LARGE1: variants seen among roughly 807,000 people sequenced by gnomAD.
LARGE1 encodes the protein xylosyl- and glucuronyltransferase LARGE1.
A neutral mutation model predicts 87.6 loss-of-function variants in LARGE1; 43 were observed. The observed-to-expected ratio is 0.49, with a 90% confidence interval of 0.38 to 0.63. The LOEUF (loss-of-function observed/expected upper bound fraction) is 0.63. Among genes scored for constraint, LARGE1 ranks in the 30% least tolerant of loss-of-function variants. The pLI, the probability that LARGE1 is intolerant of heterozygous loss-of-function variation, is 0.00. For missense variants in LARGE1, 802 were observed against 1,000.2 expected (o/e 0.80, Z 2.67); for synonymous variants, 434 against 394.6 (o/e 1.10, Z -1.18).
chr22:33,266,530 C>G (rs575304413), intron 11 of LARGE1, among the ~76,000 whole-genome samples: 1 of 151,760 alleles, frequency 6.6e-6, no homozygotes, highest in East Asian at 1.9e-4. Context: ...AGCCAGGGCT[C>G]TTATTTAAAA....
intron 11 of LARGE1, among the ~76,000 whole-genome samples, chr22:33,230,004 C>CTTTTTT (rs557120175): frequency 1.2e-5 from 1 of 81,136 alleles, no homozygotes; most frequent in Non-Finnish European, 2.4e-5. Context: ...TTTCAAAGTT[C>CTTTTTT]TTTTTTTTTT....
intron 2 of LARGE1, among the ~76,000 whole-genome samples, chr22:33,671,403 T>C (rs371959228): frequency 6.6e-6 from 1 of 152,378 alleles, no homozygotes; most frequent in South Asian, 2.1e-4. Flanking sequence ...ATACGTAAAG[T>C]GTAAAATGCT....
chr22:33,306,855 CT>C (rs909407449), intron 11 of LARGE1, among the ~76,000 whole-genome samples: 2 of 135,764 alleles, frequency 1.5e-5, no homozygotes, highest in African/African-American at 6.2e-5. Context: ...GAGTGAGAAT[CT>C]GTCTCAAAAA....
At chr22:33,868,148 G>A (rs760436769) in intron 1 of LARGE1, among the ~76,000 whole-genome samples, 18 of 152,124 alleles carry the variant, frequency 1.2e-4, no homozygotes, top group Non-Finnish European at 2.4e-4. Context: ...ATAAGACTTC[G>A]TTCCAAATGG....
intron 1 of LARGE1, among the ~76,000 whole-genome samples, chr22:33,794,303 G>A (rs1292000396): frequency 6.6e-6 from 1 of 152,210 alleles, no homozygotes; most frequent in African/African-American, 2.4e-5. Context: ...AGGGAAGAAA[G>A]AAGGGAACCC....
At chr22:33,280,491 A>G (rs1930226422) in intron 13 of LARGE1, among the ~76,000 whole-genome samples, 1 of 152,098 alleles carries the variant, frequency 6.6e-6, no homozygotes, top group African/African-American at 2.4e-5. Flanking sequence ...TGTGAAAAGG[A>G]AGGGAAAACA....
At chr22:33,531,423 G>T (rs1176709374) in intron 6 of LARGE1, among the ~76,000 whole-genome samples, 1 of 152,170 alleles carries the variant, frequency 6.6e-6, no homozygotes, top group Non-Finnish European at 1.5e-5. Context: ...CTCCCAAAGT[G>T]CTGGGATTAC....
chr22:33,541,294 G>A (rs1033962513), intron 6 of LARGE1, among the ~76,000 whole-genome samples: 26 of 151,656 alleles, frequency 1.7e-4, no homozygotes, highest in South Asian at 4.2e-4. Context: ...AGGGCAAGCC[G>A]ACTTTTTGAC....
chr22:33,558,926 A>C (rs2077774250), intron 6 of LARGE1, among the ~76,000 whole-genome samples: 1 of 152,240 alleles, frequency 6.6e-6, no homozygotes, highest in South Asian at 2.1e-4. Context: ...CCTTAGAGAA[A>C]ATGGAATGTG....
At chr22:33,103,522 C>T in the LARGE1 span, among the ~76,000 whole-genome samples, 2 of 144,538 alleles carry the variant, frequency 1.4e-5, no homozygotes, top group Non-Finnish European at 3.0e-5. Flanking sequence ...AGAAGTGTTT[C>T]TCAGGTTGGT....
intron 2 of LARGE1, among the ~76,000 whole-genome samples, chr22:33,728,001 C>T (rs2083322570): frequency 6.6e-6 from 1 of 152,040 alleles, no homozygotes; most frequent in Admixed American, 6.6e-5. Flanking sequence ...ACTCACAAGC[C>T]CTGATATCAA....
chr22:33,831,850 GC>G (rs1354234527), intron 1 of LARGE1, among the ~76,000 whole-genome samples: 1 of 151,842 alleles, frequency 6.6e-6, no homozygotes, highest in Non-Finnish European at 1.5e-5. Context: ...AGCACACAAA[GC>G]CCCTCCCAGC....
At position 33,586,679 on chromosome 22, in the gene LARGE1, G is replaced by C. The variant is rs537302416; in HGVS notation, c.615+17756C>G. On this transcript the variant is annotated intron_variant, in intron 5 of 14. Transcript: ENST00000397394. ...TCACCATGTTAGCCAGGATGGTCTC[G>C]ATCTCCTGACCTCATGATCCGTCCG... is the stretch of plus-strand genomic sequence containing the variant. 2.6e-5 allele frequency among the ~76,000 whole-genome samples: 4 copies of C among 151,954 alleles called. No individual in the cohort carries two copies. The South Asian group carries it at 8.3e-4, about 32-fold the overall frequency.
intron 12 of LARGE1, among the ~76,000 whole-genome samples, chr22:33,303,053 T>C (rs1338659807): frequency 6.6e-6 from 1 of 152,240 alleles, no homozygotes. Flanking sequence ...TGGACCATGA[T>C]ACTGTGTGAC....
At chr22:33,678,059 C>A (rs2081635147) in intron 2 of LARGE1, among the ~76,000 whole-genome samples, 1 of 152,088 alleles carries the variant, frequency 6.6e-6, no homozygotes, top group South Asian at 2.1e-4. Context: ...CAGAAACCAA[C>A]TGGAATAAAA....
In LARGE1 at chr22:33,276,220, G is replaced by GA. The variant is rs397840244; in HGVS notation, c.2073+839dup. 1.4e-3 allele frequency among the ~76,000 whole-genome samples: 169 copies of GA among 120,688 alleles called. 1 individual carries two copies. Among genetic ancestry groups the GA allele is most frequent in the African/African-American group, 2.3e-3 (81 of 35,516 alleles). 79.2% of individuals were successfully genotyped at this position (120,688 alleles called of 152,430 possible). A position where few individuals can be genotyped will look rare whatever the true frequency, so the allele number is the denominator to read the frequency against. ...GAAGAGCATACAAAAGAAAAGAAAA[G>GA]AAAAAAAAAAAAAGGCTGGAGGGAC... On this transcript the variant is annotated intron_variant, in intron 14 of 14. Coordinates refer to ENST00000397394, the MANE Select transcript of LARGE1 (RefSeq NM_133642.5).
intron 6 of LARGE1, among the ~76,000 whole-genome samples, chr22:33,501,756 G>A (rs746042246): frequency 1.3e-5 from 2 of 152,132 alleles, no homozygotes; most frequent in African/African-American, 2.4e-5. Flanking sequence ...GCCGTCCTTC[G>A]AGCCCAAAGC....
chr22:33,276,042 T>G (rs1185793250), intron 14 of LARGE1, among the ~76,000 whole-genome samples: 1 of 152,220 alleles, frequency 6.6e-6, no homozygotes, highest in Non-Finnish European at 1.5e-5. Context: ...CACCTGGGGC[T>G]GTTCTCAAAC....
intron 6 of LARGE1, among the ~76,000 whole-genome samples, chr22:33,509,625 A>AT (rs2070954767): frequency 6.6e-6 from 1 of 151,622 alleles, no homozygotes; most frequent in Admixed American, 6.6e-5. Flanking sequence ...TAATTTTTAA[A>AT]TTTTTTGGTA....
Sources: gnomAD v4.1 joint callset for allele counts (sites outside exome capture counted in the v4.1 genomes callset) on GRCh38, gnomAD v4.1.1 for gene constraint, MANE v1.5 for transcripts, NCBI Gene and HGNC (gene_info 2026-07-23, HGNC 2026-07-21) for gene names.